CC2D2B: variants seen among roughly 807,000 people sequenced by gnomAD.
The protein encoded by CC2D2B is coiled-coil and C2 domain containing 2B.
CC2D2B carries 128 observed loss-of-function variants against 161.2 expected under a neutral mutation model. The ratio of observed to expected loss-of-function variants is 0.79; its 90% CI spans 0.69 to 0.92. CC2D2B has a LOEUF of 0.92. Ranked by LOEUF, CC2D2B falls within the 40% of genes least tolerant of loss-of-function variation. CC2D2B has a pLI of 0.00. For missense variants in CC2D2B, 1,173 were observed against 1,375.1 expected, an observed-to-expected ratio of 0.85 and a Z score of 2.32; for synonymous variants, 391 against 449.8, an observed-to-expected ratio of 0.87 and a Z score of 1.65.
intron 33 of CC2D2B, among the ~76,000 whole-genome samples, chr10:96,026,711 C>G (rs1482230320): frequency 6.6e-6 from 1 of 152,090 alleles, no homozygotes. Flanking sequence ...TCTTGTCTTC[C>G]CAAGCCAAGT....
chr10:95,988,813 A>G (rs929262820), intron 20 of CC2D2B, among the ~76,000 whole-genome samples: 4 of 152,230 alleles, frequency 2.6e-5, no homozygotes, highest in African/African-American at 9.6e-5. Flanking sequence ...GCAGAGTCTT[A>G]ACCAGGTTTG....
intron 9 of CC2D2B, among the ~76,000 whole-genome samples, chr10:95,940,469 A>C (rs1383289921): frequency 6.6e-6 from 1 of 152,056 alleles, no homozygotes; most frequent in Admixed American, 6.6e-5. Context: ...AAGTGTGCTT[A>C]CTCCAGGTCC....
rs2075962104 is a variant in CC2D2B at position 95,939,850 on chromosome 10, T to A, written c.801+925T>A. 2.6e-5 allele frequency among the ~76,000 whole-genome samples: 4 copies of A among 152,212 alleles called. 1 individual carries two copies. In the South Asian group the frequency reaches 8.3e-4, roughly 31 times the overall value. ...TATTGGATTGTCTGCTTTTTCTTAT[T>A]GATGTGTTGATTTCTGGATGTGAGC... On this transcript the variant is annotated intron_variant, in intron 9 of 34. Transcript: ENST00000646931.
chr10:96,002,006 T>C (rs2078519971), intron 24 of CC2D2B, among the ~76,000 whole-genome samples: 1 of 152,220 alleles, frequency 6.6e-6, no homozygotes, highest in Admixed American at 6.5e-5. Flanking sequence ...TTGAAAAGTT[T>C]GTAAATGTAA....
rs369869695 is a variant in CC2D2B, at chr10:95,936,231, G to C, written c.337-1760G>C. 5.3e-5 allele frequency among the ~76,000 whole-genome samples: 8 copies of C among 152,258 alleles called. 1 individual carries two copies. The highest frequency in any genetic ancestry group is 3.9e-4 in the Admixed American group (6 of 15,296). On this transcript the variant is annotated intron_variant, in intron 6 of 34. Transcript: ENST00000646931. ...TTGGGTATGAGGAAGTCAAGGTTTA[G>C]ATGTGAGCTGTTTAGAGAAGTTGTT...
At chr10:95,947,467 G>T (rs2076261464) in intron 9 of CC2D2B, among the ~76,000 whole-genome samples, 1 of 151,640 alleles carries the variant, frequency 6.6e-6, no homozygotes, top group Non-Finnish European at 1.5e-5. Context: ...AAGGTGGTCA[G>T]GTGCAGTGGC....
intron 9 of CC2D2B, among the ~76,000 whole-genome samples, chr10:95,943,893 G>A (rs7893334): frequency 0.12 from 18,538 of 152,032 alleles, 1,925 homozygotes; most frequent in African/African-American, 0.27. Flanking sequence ...TTTGTTAAGC[G>A]TATTGAGGAT....
chr10:96,013,228 G>A (rs2079061377), intron 28 of CC2D2B, among the ~76,000 whole-genome samples: 1 of 152,062 alleles, frequency 6.6e-6, no homozygotes, highest in South Asian at 2.1e-4. Context: ...ATTAGTCTGA[G>A]TCTTTGTCTC....
intron 25 of CC2D2B, among the ~76,000 whole-genome samples, chr10:96,005,164 G>A (rs1320843899): frequency 2.0e-5 from 3 of 152,162 alleles, no homozygotes; most frequent in Non-Finnish European, 4.4e-5. Flanking sequence ...TTGGTAACGG[G>A]TAAAGCTTAG....
At chr10:95,934,209 G>A (rs183405818) in intron 6 of CC2D2B, among the ~76,000 whole-genome samples, 2 of 152,176 alleles carry the variant, frequency 1.3e-5, no homozygotes, top group Non-Finnish European at 2.9e-5. Flanking sequence ...CCAAGCCTCA[G>A]TAATGGCGGA....
intron 16 of CC2D2B, 134 bp downstream of exon 16, chr10:95,972,350 G>A: frequency 3.2e-6 from 2 of 620,498 alleles, no homozygotes; most frequent in East Asian, 3.5e-5. Context: ...GTTTGTTTGA[G>A]ACAGAATCTC....
intron 24 of CC2D2B, among the ~76,000 whole-genome samples, chr10:96,002,855 T>C (rs559482106): frequency 7.2e-5 from 11 of 151,978 alleles, no homozygotes; most frequent in African/African-American, 1.9e-4. Context: ...GGCAGCTGTA[T>C]AATGAAAAGA....
intron 31 of CC2D2B, 65 bp from the exon 32 acceptor site, chr10:96,019,637 C>T: frequency 1.3e-6 from 2 of 1,491,296 alleles, no homozygotes; most frequent in Admixed American, 2.5e-5. Flanking sequence ...TTTGCTCCTT[C>T]CTTACCAACA....
In CC2D2B at chr10:96,031,857, T is replaced by TACAGTCAATTATTGATGC. The variant is rs1368216039; in HGVS notation, c.4164_4181dup (p.Gln1389_Ala1394dup). The stretch of plus-strand genomic sequence containing the variant: ...CCCATCCAGATGCCATACATTGATG[T>TACAGTCAATTATTGATGC]ACAGTCAATTATTGATGCTGTTTAT... On this transcript the variant is annotated inframe_insertion, in exon 35 of 35. Transcript: ENST00000646931. The TACAGTCAATTATTGATGC allele has an allele frequency of 5.6e-6, 9 of 1,613,746 alleles. No homozygotes were observed. In the Middle Eastern group the frequency reaches 8.3e-4, roughly 148 times the overall value.
intron 2 of CC2D2B, among the ~76,000 whole-genome samples, chr10:95,915,505 G>A (rs2098514555): frequency 6.6e-6 from 1 of 152,152 alleles, no homozygotes; most frequent in Non-Finnish European, 1.5e-5. Context: ...CAGGCTTTCA[G>A]TTTTTCCCTG....
At chr10:96,016,064 CAA>C in intron 29 of CC2D2B, 135 bp from the exon 30 acceptor site, 1 of 640,758 alleles carries the variant, frequency 1.6e-6, no homozygotes, top group Non-Finnish European at 2.8e-6. Flanking sequence ...GCTCTGCTGT[CAA>C]CTTAGCAACT....
At chr10:95,934,442 A>C (rs1564595401) in intron 6 of CC2D2B, among the ~76,000 whole-genome samples, 1 of 128,836 alleles carries the variant, frequency 7.8e-6, no homozygotes, top group Non-Finnish European at 1.6e-5. Flanking sequence ...GGTATGAAAA[A>C]AAAAAAACAA....
intron 31 of CC2D2B, 104 bp from the exon 32 acceptor site, chr10:96,019,598 C>T: frequency 4.4e-6 from 5 of 1,142,620 alleles, no homozygotes; most frequent in Non-Finnish European, 1.2e-6. Flanking sequence ...GGGATTCTGC[C>T]ACTTCATTGA....
chr10:96,016,361 A>G, intron 30 of CC2D2B, 47 bp downstream of exon 30: 1 of 1,275,522 alleles, frequency 7.8e-7, no homozygotes, highest in Non-Finnish European at 1.1e-6. Context: ...AAAGGAAATC[A>G]GATTTCAGCT....
Sources: gnomAD v4.1 joint callset for allele counts (sites outside exome capture counted in the v4.1 genomes callset) on GRCh38, gnomAD v4.1.1 for gene constraint, MANE v1.5 for transcripts, NCBI Gene and HGNC (gene_info 2026-07-23, HGNC 2026-07-21) for gene names.